The following PRSS3 variants were observed in gnomAD, a reference collection of about 807,000 sequenced individuals.
PRSS3 encodes the protein trypsin-3.
A neutral mutation model predicts 20.8 loss-of-function variants in PRSS3; 14 were observed. That is an observed-to-expected ratio of 0.67 (90% CI 0.44 to 1.05). The LOEUF (loss-of-function observed/expected upper bound fraction) is 1.05. Among genes scored for constraint, PRSS3 ranks in the 50% least tolerant of loss-of-function variants. The probability of loss-of-function intolerance (pLI) is 0.00; values close to 1 mark genes in which losing one functional copy is unlikely to be tolerated. For missense variants in PRSS3, 237 were observed against 306.4 expected (o/e 0.77, Z 1.69); for synonymous variants, 91 against 117.6 (o/e 0.77, Z 1.46).
At position 33,767,740 on chromosome 9, in the gene PRSS3, A is replaced by G. The variant is rs192820037; in HGVS notation, c.-53+17013A>G. On this transcript the variant is annotated intron_variant, in intron 1 of 5. Transcript: ENST00000342836. ...CTCAGGAGGCTGAGGCAGGAGAATC[A>G]CTTGAACCCAGGAGGCAGAGGTTGC... Among the ~76,000 whole-genome samples, 32 of 152,114 alleles carry G rather than the reference A, an allele frequency of 2.1e-4. No individual in the cohort carries two copies. The East Asian group carries it at 5.8e-3, about 28-fold the overall frequency.
chr9:33,769,067 A>G (rs970101299), intron 1 of PRSS3, among the ~76,000 whole-genome samples: 3 of 152,190 alleles, frequency 2.0e-5, no homozygotes, highest in Non-Finnish European at 4.4e-5. Flanking sequence ...TTGGATTCTC[A>G]TGTTTCATGG....
intron 1 of PRSS3, among the ~76,000 whole-genome samples, chr9:33,774,687 G>A (rs942027192): frequency 3.3e-5 from 5 of 151,924 alleles, no homozygotes; most frequent in African/African-American, 1.2e-4. Flanking sequence ...TTCAAAGGAG[G>A]GTTTAAAAAA....
At chr9:33,797,651 C>G (rs998572095) in intron 2 of PRSS3, among the ~76,000 whole-genome samples, 178 bp from the exon 3 acceptor site, 1 of 144,296 alleles carries the variant, frequency 6.9e-6, no homozygotes, top group Non-Finnish European at 1.5e-5. Context: ...GCAGAAAGGT[C>G]CTGGGTCTCA....
intron 1 of PRSS3, among the ~76,000 whole-genome samples, chr9:33,780,308 A>C (rs1291092855): frequency 2.0e-5 from 3 of 152,238 alleles, no homozygotes; most frequent in South Asian, 4.1e-4. Context: ...ATATCCTGTC[A>C]AATTAAACTT....
At chr9:33,752,863 G>T (rs1822758131) in intron 1 of PRSS3, among the ~76,000 whole-genome samples, 1 of 152,220 alleles carries the variant, frequency 6.6e-6, no homozygotes, top group African/African-American at 2.4e-5. Context: ...ACTGAATATA[G>T]CAAGGTACAC....
intron 1 of PRSS3, among the ~76,000 whole-genome samples, chr9:33,757,011 G>A (rs1822981305): frequency 6.6e-6 from 1 of 152,228 alleles, no homozygotes; most frequent in African/African-American, 2.4e-5. Flanking sequence ...CCTGTCTCTA[G>A]TGCTTTCTAG....
intron 1 of PRSS3, among the ~76,000 whole-genome samples, chr9:33,753,593 C>A (rs1167618555): frequency 6.6e-6 from 1 of 152,212 alleles, no homozygotes; most frequent in Non-Finnish European, 1.5e-5. Context: ...ACCTTCTGTT[C>A]TAACTGTAGC....
intron 1 of PRSS3, chr9:33,786,623 G>A (rs1824423407): frequency 1.3e-6 from 1 of 766,284 alleles, no homozygotes; most frequent in Admixed American, 1.7e-5. Context: ...CGACAGCCAA[G>A]TCACCATGAT....
chr9:33,785,527 A>T (rs1006666294), intron 1 of PRSS3, among the ~76,000 whole-genome samples: 18 of 152,164 alleles, frequency 1.2e-4, no homozygotes, highest in Admixed American at 1.1e-3. Context: ...GCCTAGACTG[A>T]GTTGAATTAG....
chr9:33,776,769 A>C (rs1193400787), intron 1 of PRSS3, among the ~76,000 whole-genome samples: 1 of 152,204 alleles, frequency 6.6e-6, no homozygotes, highest in Non-Finnish European at 1.5e-5. Context: ...CAAAATCTAG[A>C]GAACAGGAGA....
intron 1 of PRSS3, among the ~76,000 whole-genome samples, chr9:33,765,208 A>G (rs1008727316): frequency 9.8e-5 from 15 of 152,330 alleles, no homozygotes; most frequent in Admixed American, 3.3e-4. Flanking sequence ...AAAACCGTGG[A>G]TAGTTAGTGC....
intron 1 of PRSS3, among the ~76,000 whole-genome samples, chr9:33,769,170 A>C (rs1823574297): frequency 6.6e-6 from 1 of 152,338 alleles, no homozygotes; most frequent in Non-Finnish European, 1.5e-5. Context: ...CTTGCTGCTC[A>C]TAGTAAAATA....
At chr9:33,784,720 G>A (rs1442148739) in intron 1 of PRSS3, among the ~76,000 whole-genome samples, 1 of 152,176 alleles carries the variant, frequency 6.6e-6, no homozygotes, top group Non-Finnish European at 1.5e-5. Flanking sequence ...GTTTTTGCAA[G>A]CCTGTCTTTC....
At chr9:33,757,200 CT>C (rs34616528) in intron 1 of PRSS3, among the ~76,000 whole-genome samples, 15,238 of 152,256 alleles carry the variant, frequency 0.1, 1,071 homozygotes, top group Non-Finnish European at 0.14. Context: ...GTCCTTGACT[CT>C]GCCTCCACTT....
chr9:33,798,221 G>T (rs1376546822), intron 3 of PRSS3, 139 bp downstream of exon 3: 2 of 1,489,386 alleles, frequency 1.3e-6, no homozygotes, highest in Non-Finnish European at 1.8e-6. Context: ...TCTGCACTGG[G>T]CACCAGAGAG....
chr9:33,794,624 A>T, upstream of PRSS3: 1 of 1,213,294 alleles, frequency 8.2e-7, no homozygotes, highest in Non-Finnish European at 1.1e-6. Flanking sequence ...GCTGATTCTC[A>T]GATCAGATGG....
chr9:33,773,450 C>T (rs895350059), intron 1 of PRSS3, among the ~76,000 whole-genome samples: 8 of 152,144 alleles, frequency 5.3e-5, no homozygotes, highest in African/African-American at 1.9e-4. Flanking sequence ...CCCTAGCTGA[C>T]TGAAAAAGCT....
At chr9:33,775,704 T>TG (rs1463274744) in intron 1 of PRSS3, among the ~76,000 whole-genome samples, 2 of 150,074 alleles carry the variant, frequency 1.3e-5, no homozygotes, top group African/African-American at 4.9e-5. Flanking sequence ...CTTGAAGTTT[T>TG]TTTTTTTTTT....
In PRSS3 at chr9:33,798,466, T is replaced by C; in HGVS notation, c.455-20T>C. On this transcript the variant is annotated intron_variant, in intron 3 of 4. Coordinates refer to ENST00000379405, the MANE Select transcript of PRSS3 (RefSeq NM_002771.4). ...TCACCCACATTTCTACTTTCTTTGA[T>C]CTCTTCCTGATCCTCACAGCTGACT... The C allele has an allele frequency of 6.2e-7, 1 of 1,609,566 alleles. No homozygotes were observed. The highest frequency in any genetic ancestry group is 8.5e-7 in the Non-Finnish European group (1 of 1,177,580).
Sources: gnomAD v4.1 joint callset for allele counts (sites outside exome capture counted in the v4.1 genomes callset) on GRCh38, gnomAD v4.1.1 for gene constraint, MANE v1.5 for transcripts, NCBI Gene and HGNC (gene_info 2026-07-23, HGNC 2026-07-21) for gene names.